Variants in MTA1 observed in about 807,000 individuals in gnomAD.
MTA1 encodes metastasis associated 1, also known as metastasis-associated protein MTA1.
MTA1 carries 15 observed loss-of-function variants against 97.0 expected under a neutral mutation model. The ratio of observed to expected loss-of-function variants is 0.15; its 90% CI spans 0.10 to 0.24. The LOEUF is 0.24. MTA1 is among the 10% of genes least tolerant of loss of function. The probability of loss-of-function intolerance (pLI) is 1.00; values close to 1 mark genes in which losing one functional copy is unlikely to be tolerated. For synonymous variants in MTA1, 435 were observed against 417.5 expected (o/e 1.04, Z -0.51); for missense variants, 709 against 1,015.1 (o/e 0.70, Z 4.10).
At chr14:105,467,810 A>T (rs1311885677) in intron 18 of MTA1, 1 of 261,440 alleles carries the variant, frequency 3.8e-6, no homozygotes, top group African/African-American at 2.3e-5. Flanking sequence ...GCCCCATAAG[A>T]GCTGGTAGAA....
rs141174151 is a variant in MTA1 at position 105,464,100 on chromosome 14, C to T, written c.1145C>T (p.Ala382Val). 163 of 1,612,276 alleles carry T rather than the reference C, an allele frequency of 1.0e-4. No individual in the cohort carries two copies. In the African/African-American group the frequency reaches 1.1e-3, roughly 11 times the overall value. Residue 382 changes from alanine to valine, a missense_variant, in exon 13 of 21, where the codon GCG (alanine) becomes GTG (valine). Coordinates refer to ENST00000331320, the MANE Select transcript of MTA1 (RefSeq NM_004689.4). ...GCCGGTGTGGTGAACGGCACGGGGG[C>T]GCCGGGCCAGAGCCCTGGGGCTGGC... ...VKAGVVNGTGAPGQSPGAGRA... is the reference protein window; with the variant it reads ...VKAGVVNGTGVPGQSPGAGRA...
At position 105,470,273 on chromosome 14, in the gene MTA1, C is replaced by T; in HGVS notation, c.*58C>T. 7.4e-7 allele frequency: 1 copy of T among 1,351,758 alleles called. No homozygotes were observed. Among genetic ancestry groups the T allele is most frequent in the Non-Finnish European group, 9.5e-7 (1 of 1,050,750 alleles). 83.7% of individuals were successfully genotyped at this position (1,351,758 alleles called of 1,614,324 possible). A position where few individuals can be genotyped will look rare whatever the true frequency, so the allele number is the denominator to read the frequency against. ...CTCGCCCGCCCACACGGCCCCTTCC[C>T]AGCCAGCCCGCCGCCCGCCCCTCAG... On this transcript the variant is annotated 3_prime_UTR_variant, in exon 21 of 21. Transcript: ENST00000331320.
intron 16 of MTA1, 43 bp downstream of exon 16, chr14:105,465,226 A>G: frequency 1.4e-6 from 2 of 1,462,530 alleles, no homozygotes; most frequent in South Asian, 1.3e-5. Context: ...TGCTGCCTGC[A>G]GGCAGCTTCT....
chr14:105,447,924 T>C (rs1368371938), intron 3 of MTA1, among the ~76,000 whole-genome samples: 1 of 152,140 alleles, frequency 6.6e-6, no homozygotes, highest in Admixed American at 6.5e-5. Context: ...GTGAGGACAC[T>C]CTGGGAGGCC....
chr14:105,442,750 A>G (rs958404901), intron 2 of MTA1, among the ~76,000 whole-genome samples: 22 of 152,012 alleles, frequency 1.4e-4, no homozygotes, highest in African/African-American at 5.1e-4. Context: ...ACAGCAGAAC[A>G]CAACAGACCC....
At position 105,465,095 on chromosome 14, in the gene MTA1, C is replaced by T; in HGVS notation, c.1536C>T (p.Cys512=). 6.6e-7 allele frequency: 1 copy of T among 1,510,778 alleles called. No individual in the cohort carries two copies. The highest frequency in any genetic ancestry group is 8.9e-7 in the Non-Finnish European group (1 of 1,123,752). The allele number at this position is 1,510,778 out of a possible 1,614,324, so 93.6% of individuals were successfully genotyped here. The part of the protein sequence containing the change: ...PINSAAIKAE[C]TARLPEASQS... ...CTCACACCGTGTGGTACCCCGCAGG[C>T]ACGGCGCGGCTGCCCGAAGCCTCCC... is the stretch of plus-strand genomic sequence containing the variant. Residue 512 remains cysteine, a splice_region_variant and synonymous_variant, in exon 16 of 21, where the codon TGC becomes TGT. Transcript: ENST00000331320.
intron 6 of MTA1, among the ~76,000 whole-genome samples, chr14:105,451,394 G>GT (rs1398501969): frequency 1.3e-5 from 2 of 152,240 alleles, no homozygotes; most frequent in African/African-American, 2.4e-5. Flanking sequence ...GCCTGGGGTC[G>GT]TAACACATGC....
chr14:105,436,473 C>T (rs1245133809), intron 1 of MTA1, among the ~76,000 whole-genome samples: 4 of 152,252 alleles, frequency 2.6e-5, no homozygotes, highest in Admixed American at 6.5e-5. Flanking sequence ...TGTTGTACCA[C>T]AGTCATGATA....
intron 3 of MTA1, 138 bp from the exon 4 acceptor site, chr14:105,449,221 C>T (rs2082827322): frequency 1.3e-6 from 1 of 748,984 alleles, no homozygotes; most frequent in Non-Finnish European, 2.1e-6. Flanking sequence ...GGGTGGTCTT[C>T]ACGCCCCACC....
At chr14:105,434,952 G>T (rs1199036880) in intron 1 of MTA1, among the ~76,000 whole-genome samples, 4 of 152,188 alleles carry the variant, frequency 2.6e-5, no homozygotes, top group African/African-American at 7.2e-5. Context: ...TATCCAGTCT[G>T]TGTGCCTTTC....
chr14:105,465,685 CA>C (rs1468729544), intron 16 of MTA1: 2 of 152,808 alleles, frequency 1.3e-5, no homozygotes, highest in African/African-American at 4.8e-5. Context: ...CCTCAGGCGG[CA>C]GGGGGTTCCT....
chr14:105,469,501 A>G lies in MTA1; in HGVS notation c.1845+3A>G. On this transcript the variant is annotated splice_donor_region_variant and intron_variant, in intron 19 of 20. Coordinates refer to ENST00000331320, the MANE Select transcript of MTA1 (RefSeq NM_004689.4). ...ACCACGGACAGGCCAGGCACATGGT[A>G]AGAGGAACAACCCATGATGGGGTAC... The G allele has an allele frequency of 6.2e-7, 1 of 1,612,592 alleles. No homozygotes were observed. The highest frequency in any genetic ancestry group is 8.5e-7 in the Non-Finnish European group (1 of 1,179,630).
intron 19 of MTA1, 42 bp from the exon 20 acceptor site, chr14:105,469,799 T>G: frequency 1.3e-6 from 2 of 1,570,506 alleles, no homozygotes; most frequent in Non-Finnish European, 1.7e-6. Context: ...GAGGTGGAGC[T>G]GGCCCTTGGC....
chr14:105,433,616 C>T (rs1184395607), intron 1 of MTA1, among the ~76,000 whole-genome samples: 1 of 152,148 alleles, frequency 6.6e-6, no homozygotes, highest in Non-Finnish European at 1.5e-5. Context: ...GAGCCACGCA[C>T]CTGGGGCTGA....
intron 7 of MTA1, among the ~76,000 whole-genome samples, chr14:105,455,123 C>G (rs2141613265): frequency 6.6e-6 from 1 of 152,162 alleles, no homozygotes; most frequent in East Asian, 1.9e-4. Context: ...CCAGGTTGGT[C>G]TCAAACCCCT....
At chr14:105,461,713 G>A (rs782608658) in intron 10 of MTA1, among the ~76,000 whole-genome samples, 1 of 152,344 alleles carries the variant, frequency 6.6e-6, no homozygotes. Flanking sequence ...GTTGGGTAGG[G>A]TGCCTAGACC....
chr14:105,423,191 C>T (rs1309451849), intron 1 of MTA1, among the ~76,000 whole-genome samples: 6 of 150,894 alleles, frequency 4.0e-5, no homozygotes, highest in African/African-American at 1.5e-4. Flanking sequence ...GTTAACACCC[C>T]ATCTTTTGGA....
chr14:105,439,414 C>T (rs1555425170), intron 2 of MTA1, among the ~76,000 whole-genome samples: 5 of 152,192 alleles, frequency 3.3e-5, no homozygotes, highest in African/African-American at 9.7e-5. Context: ...GGGGTGGTGA[C>T]ACATGGGCCC....
intron 19 of MTA1, 106 bp from the exon 20 acceptor site, chr14:105,469,735 G>C: frequency 2.7e-6 from 4 of 1,460,304 alleles, no homozygotes; most frequent in Non-Finnish European, 3.7e-6. Flanking sequence ...TAACTCACTG[G>C]GGTGGTGGGG....
Sources: allele counts gnomAD v4.1 joint callset (sites outside exome capture counted in the v4.1 genomes callset), GRCh38; gene constraint gnomAD v4.1.1; transcripts MANE v1.5; gene names NCBI Gene and HGNC (gene_info 2026-07-23, HGNC 2026-07-21).